The following CPED1 variants were observed in gnomAD, a reference collection of about 807,000 sequenced individuals.
The protein encoded by CPED1 is cadherin like and PC-esterase domain containing 1, also known as cadherin-like and PC-esterase domain-containing protein 1.
A neutral mutation model predicts 128.2 loss-of-function variants in CPED1; 114 were observed. The observed-to-expected ratio is 0.89, with a 90% CI of 0.76 to 1.04. CPED1 has a LOEUF of 1.04. Among genes scored for constraint, CPED1 ranks in the 50% least tolerant of loss-of-function variants. The probability of loss-of-function intolerance (pLI) is 0.00; values close to 1 mark genes in which losing one functional copy is unlikely to be tolerated. For missense variants in CPED1, 1,211 were observed against 1,207.1 expected (o/e 1.00, Z -0.05); for synonymous variants, 462 against 426.7 (o/e 1.08, Z -1.02).
At chr7:121,052,480 C>A (rs1161331347) in intron 4 of CPED1, among the ~76,000 whole-genome samples, 1 of 152,090 alleles carries the variant, frequency 6.6e-6, no homozygotes, top group African/African-American at 2.4e-5. Flanking sequence ...ATCTCTGTAG[C>A]CTTCACCATC....
intron 16 of CPED1, among the ~76,000 whole-genome samples, chr7:121,204,017 G>A (rs575713531): frequency 1.7e-4 from 26 of 151,894 alleles, no homozygotes; most frequent in Non-Finnish European, 3.5e-4. Flanking sequence ...CTTTCAGGGA[G>A]GTGAGGAGGA....
At chr7:121,097,537 T>C (rs1265255992) in intron 5 of CPED1, among the ~76,000 whole-genome samples, 162 bp from the exon 6 acceptor site, 1 of 152,184 alleles carries the variant, frequency 6.6e-6, no homozygotes. Flanking sequence ...TCTCTAAATA[T>C]GCATTCATAC....
chr7:121,150,302 T>G (rs2116397884), intron 16 of CPED1, among the ~76,000 whole-genome samples: 1 of 151,936 alleles, frequency 6.6e-6, no homozygotes, highest in African/African-American at 2.4e-5. Context: ...ATATGTGGTA[T>G]TTGGTTTTTT....
intron 5 of CPED1, among the ~76,000 whole-genome samples, chr7:121,065,271 T>C (rs2116058042): frequency 6.6e-6 from 1 of 152,304 alleles, no homozygotes; most frequent in East Asian, 1.9e-4. Context: ...ATATCTAAAC[T>C]AAACAGCTAT....
At chr7:121,139,125 T>C (rs1473553217) in intron 14 of CPED1, among the ~76,000 whole-genome samples, 2 of 152,076 alleles carry the variant, frequency 1.3e-5, no homozygotes, top group Non-Finnish European at 2.9e-5. Flanking sequence ...GTTGAAATTA[T>C]AGATGCAGTC....
intron 16 of CPED1, among the ~76,000 whole-genome samples, chr7:121,214,309 T>C (rs1342028584): frequency 1.3e-5 from 2 of 152,002 alleles, no homozygotes; most frequent in Non-Finnish European, 2.9e-5. Context: ...ATTAATTTTT[T>C]TGAGACAGAG....
chr7:121,138,083 C>T (rs1341896013), intron 14 of CPED1, among the ~76,000 whole-genome samples: 4 of 151,988 alleles, frequency 2.6e-5, no homozygotes, highest in South Asian at 4.1e-4. Flanking sequence ...AGTAATTAAT[C>T]TTCCTGCTTT....
chr7:121,059,914 C>G (rs1379710172), intron 4 of CPED1, among the ~76,000 whole-genome samples: 2 of 152,222 alleles, frequency 1.3e-5, no homozygotes, highest in African/African-American at 4.8e-5. Flanking sequence ...GTGGGAGCCC[C>G]TTTCTGGGCT....
At chr7:121,261,632 T>C (rs1430849815) in intron 18 of CPED1, 3 of 1,610,316 alleles carry the variant, frequency 1.9e-6, no homozygotes, top group Admixed American at 1.7e-5. Flanking sequence ...CTTCCTTCAG[T>C]TGGGTGTCGA....
chr7:121,293,109 G>A (rs1792745574), intron 22 of CPED1, among the ~76,000 whole-genome samples: 1 of 152,168 alleles, frequency 6.6e-6, no homozygotes, highest in Non-Finnish European at 1.5e-5. Flanking sequence ...GTCTGCTGAA[G>A]CTGCAACCAC....
At chr7:121,153,538 C>T (rs1796207448) in intron 16 of CPED1, among the ~76,000 whole-genome samples, 1 of 152,136 alleles carries the variant, frequency 6.6e-6, no homozygotes, top group Admixed American at 6.5e-5. Context: ...AAAACTAAAC[C>T]AAACACTTAA....
chr7:121,295,631 T>C lies in CPED1; in HGVS notation c.3060T>C (p.Cys1020=). 6.2e-7 allele frequency: 1 copy of C among 1,613,848 alleles called. No individual in the cohort carries two copies. Among genetic ancestry groups the C allele is most frequent in the Non-Finnish European group, 8.5e-7 (1 of 1,179,824 alleles). Residue 1020 remains cysteine (C), a synonymous_variant, in exon 23 of 23, where the codon TGT becomes TGC. Coordinates refer to ENST00000310396, the MANE Select transcript of CPED1 (RefSeq NM_024913.5). ...CTGAAATCCTTCTCAGCAGGATGTG[T>C]GCAAATAAAAGGACTATGTAGGCTC... The part of the protein sequence containing the change: ...VCSEILLSRM[C]ANKRTM
At chr7:121,116,451 G>C (rs183556874) in intron 7 of CPED1, among the ~76,000 whole-genome samples, 2 of 152,030 alleles carry the variant, frequency 1.3e-5, no homozygotes, top group South Asian at 4.1e-4. Flanking sequence ...TCTTGATCTA[G>C]GCAATTTGAT....
At chr7:121,215,696 G>A (rs1274694617) in intron 16 of CPED1, among the ~76,000 whole-genome samples, 1 of 152,028 alleles carries the variant, frequency 6.6e-6, no homozygotes. Flanking sequence ...TTCACAAAAA[G>A]TGTTAGTATG....
intron 12 of CPED1, among the ~76,000 whole-genome samples, chr7:121,132,525 T>C (rs1319975793): frequency 1.3e-5 from 2 of 152,002 alleles, no homozygotes; most frequent in African/African-American, 2.4e-5. Flanking sequence ...TACCAGGTAA[T>C]AGTTATATGT....
chr7:121,058,191 C>T lies in CPED1; in HGVS notation c.541-6047C>T, dbSNP rs536521654. Among the ~76,000 whole-genome samples the T allele has an allele frequency of 3.5e-4, 54 of 152,172 alleles. 1 individual carries two copies. Among genetic ancestry groups the T allele is most frequent in the Non-Finnish European group, 5.9e-4 (40 of 68,004 alleles). The stretch of plus-strand genomic sequence containing the variant: ...GCCATTGGAACTGTCGTAAGGACTG[C>T]GGGCTTTTACTCTTGTTAAGTGGAG... On this transcript the variant is annotated intron_variant, in intron 4 of 22. Coordinates refer to ENST00000310396, the MANE Select transcript of CPED1 (RefSeq NM_024913.5).
At chr7:121,192,980 C>T (rs1797180492) in intron 16 of CPED1, among the ~76,000 whole-genome samples, 1 of 152,182 alleles carries the variant, frequency 6.6e-6, no homozygotes, top group Non-Finnish European at 1.5e-5. Context: ...TGGGACACCA[C>T]AGTGCTTTCA....
intron 7 of CPED1, among the ~76,000 whole-genome samples, chr7:121,112,004 G>C (rs1026844978): frequency 6.6e-6 from 1 of 152,114 alleles, no homozygotes; most frequent in African/African-American, 2.4e-5. Flanking sequence ...CTTCACTCAC[G>C]CTCCTAGATA....
At chr7:121,196,796 A>C (rs1334261038) in intron 16 of CPED1, among the ~76,000 whole-genome samples, 1 of 152,052 alleles carries the variant, frequency 6.6e-6, no homozygotes, top group East Asian at 1.9e-4. Context: ...GATCACACTA[A>C]AGTTTCTTTT....
Sources: allele counts gnomAD v4.1 joint callset (sites outside exome capture counted in the v4.1 genomes callset), GRCh38; gene constraint gnomAD v4.1.1; transcripts MANE v1.5; gene names NCBI Gene and HGNC (gene_info 2026-07-23, HGNC 2026-07-21).